The following RBFOX1 variants were observed in gnomAD, a reference collection of about 807,000 sequenced individuals.
RBFOX1 encodes the protein RNA binding protein fox-1 homolog 1.
In RBFOX1, 8 loss-of-function variants were observed where a neutral mutation model predicts 57.7. The ratio of observed to expected loss-of-function variants is 0.14; its 90% confidence interval spans 0.08 to 0.25. The LOEUF is 0.25. Among genes scored for constraint, RBFOX1 ranks in the 10% least tolerant of loss-of-function variants. RBFOX1 has a pLI of 1.00. For synonymous variants in RBFOX1, 326 were observed against 222.4 expected, an observed-to-expected ratio of 1.47 and a Z score of -4.15; for missense variants, 611 against 548.5, an observed-to-expected ratio of 1.11 and a Z score of -1.14.
intron 5 of RBFOX1, among the ~76,000 whole-genome samples, chr16:7,536,739 A>G (rs1601226345): frequency 6.6e-6 from 1 of 152,224 alleles, no homozygotes; most frequent in African/African-American, 2.4e-5. Flanking sequence ...TGTCGATTGT[A>G]TATGTCTCTT....
At chr16:7,425,273 G>T (rs949265307) in intron 4 of RBFOX1, among the ~76,000 whole-genome samples, 1 of 152,154 alleles carries the variant, frequency 6.6e-6, no homozygotes, top group Non-Finnish European at 1.5e-5. Context: ...GAGAAGTGGG[G>T]TTTAATTTTT....
chr16:5,573,120 G>T (rs978186051), intron 2 of RBFOX1, among the ~76,000 whole-genome samples: 2 of 152,148 alleles, frequency 1.3e-5, no homozygotes, highest in Non-Finnish European at 2.9e-5. Context: ...GACGAGAATT[G>T]GGAGGTTCTG....
intron 1 of RBFOX1, among the ~76,000 whole-genome samples, chr16:6,170,416 T>C (rs2096951516): frequency 6.6e-6 from 1 of 152,180 alleles, no homozygotes; most frequent in African/African-American, 2.4e-5. Flanking sequence ...AGGGAATTAA[T>C]AAAGTCACCA....
At chr16:5,635,180 A>G (rs1261593361) in intron 3 of RBFOX1, among the ~76,000 whole-genome samples, 1 of 152,218 alleles carries the variant, frequency 6.6e-6, no homozygotes, top group Non-Finnish European at 1.5e-5. Context: ...GTTACATTCC[A>G]TTTAAAAGAA....
At position 7,057,061 on chromosome 16, in the gene RBFOX1, A is replaced by G. The variant is rs78554810; in HGVS notation, c.27+4963A>G. On this transcript the variant is annotated intron_variant, in intron 4 of 15. Coordinates refer to ENST00000550418, the MANE Select transcript of RBFOX1 (RefSeq NM_018723.4). The stretch of plus-strand genomic sequence containing the variant: ...AAAAAAAATGCAGGCCTGATACTCA[A>G]CAAGGTGAGCTACTGTTAATACAGT... Among the ~76,000 whole-genome samples the G allele has an allele frequency of 6.6e-3, 1,004 of 151,828 alleles. 12 individuals are homozygous for G. The highest frequency in any genetic ancestry group is 0.023 in the African/African-American group (949 of 41,394).
intron 2 of RBFOX1, among the ~76,000 whole-genome samples, chr16:5,538,176 A>T (rs1007939513): frequency 6.6e-6 from 1 of 152,152 alleles, no homozygotes; most frequent in African/African-American, 2.4e-5. Context: ...GGGTGTGGAG[A>T]TGTAGAGCCA....
At chr16:7,554,118 G>C (rs1601679013) in intron 5 of RBFOX1, among the ~76,000 whole-genome samples, 1 of 152,108 alleles carries the variant, frequency 6.6e-6, no homozygotes, top group Non-Finnish European at 1.5e-5. Flanking sequence ...CAAAAAAGAA[G>C]ACAATGACCC....
intron 2 of RBFOX1, among the ~76,000 whole-genome samples, chr16:6,533,654 T>A (rs539632353): frequency 4.6e-5 from 7 of 152,208 alleles, no homozygotes; most frequent in African/African-American, 1.7e-4. Flanking sequence ...CAACAAATAA[T>A]CCTGGACCTA....
intron 4 of RBFOX1, among the ~76,000 whole-genome samples, chr16:5,962,378 A>T (rs1463508299): frequency 6.6e-6 from 1 of 152,172 alleles, no homozygotes; most frequent in Non-Finnish European, 1.5e-5. Context: ...CAGTCCCTAG[A>T]TATGAAGCAC....
chr16:5,651,701 A>T (rs756147534), intron 3 of RBFOX1, among the ~76,000 whole-genome samples: 1 of 152,180 alleles, frequency 6.6e-6, no homozygotes, highest in African/African-American at 2.4e-5. Context: ...TTCCGCATGG[A>T]TACCCATCCC....
intron 1 of RBFOX1, among the ~76,000 whole-genome samples, chr16:5,360,442 G>T (rs547562666): frequency 3.3e-5 from 5 of 152,224 alleles, no homozygotes; most frequent in Non-Finnish European, 7.3e-5. Flanking sequence ...CTGGCTTGCC[G>T]GGAGGCTTCC....
intron 3 of RBFOX1, among the ~76,000 whole-genome samples, chr16:6,969,879 A>G (rs186022792): frequency 1.3e-5 from 2 of 152,196 alleles, no homozygotes; most frequent in East Asian, 1.9e-4. Flanking sequence ...ATTGATGGGT[A>G]TGCAATGTTG....
intron 3 of RBFOX1, among the ~76,000 whole-genome samples, chr16:5,756,101 A>G (rs1348315886): frequency 6.6e-6 from 1 of 151,936 alleles, no homozygotes; most frequent in Non-Finnish European, 1.5e-5. Context: ...GTCAGGCACT[A>G]GGAGAGATAC....
At chr16:5,293,275 C>G (rs1017615418) in intron 1 of RBFOX1, among the ~76,000 whole-genome samples, 1 of 152,020 alleles carries the variant, frequency 6.6e-6, no homozygotes, top group African/African-American at 2.4e-5. Flanking sequence ...GTGTCCACAC[C>G]CCATGAAGCA....
chr16:6,508,772 T>C (rs186924174), intron 2 of RBFOX1, among the ~76,000 whole-genome samples: 2 of 152,266 alleles, frequency 1.3e-5, no homozygotes, highest in African/African-American at 4.8e-5. Flanking sequence ...AGGCTCTGTA[T>C]TAAATTTAGA....
Position 5,894,700 on chromosome 16 carries a change from A to G in RBFOX1, c.351+27365A>G, listed in dbSNP as rs192223016. On this transcript the variant is annotated intron_variant, in intron 4 of 19. Coordinates refer to the RBFOX1 transcript ENST00000641259. ...AAATACATTGGACCATGTTATCTAT[A>G]TTGCACAGCAAGAAGAAGAAACAGG... Among the ~76,000 whole-genome samples, 261 of 152,288 alleles carry G rather than the reference A, an allele frequency of 1.7e-3. 1 individual carries two copies. The highest frequency in any genetic ancestry group is 6.0e-3 in the African/African-American group (248 of 41,578).
At chr16:7,327,823 T>C (rs1361242260) in intron 4 of RBFOX1, among the ~76,000 whole-genome samples, 2 of 151,998 alleles carry the variant, frequency 1.3e-5, no homozygotes, top group Non-Finnish European at 2.9e-5. Context: ...CTTTTTTTTT[T>C]TACACTGTGC....
chr16:7,477,469 C>G (rs1382033910), intron 4 of RBFOX1, among the ~76,000 whole-genome samples: 1 of 152,052 alleles, frequency 6.6e-6, no homozygotes. Context: ...TTCAACAGCC[C>G]CTTCCTGCCC....
At chr16:5,807,816 C>G (rs2055282253) in intron 3 of RBFOX1, among the ~76,000 whole-genome samples, 1 of 152,184 alleles carries the variant, frequency 6.6e-6, no homozygotes, top group African/African-American at 2.4e-5. Context: ...GTCTGTGTAC[C>G]TAACCAGCTC....
Sources: allele counts gnomAD v4.1 joint callset (sites outside exome capture counted in the v4.1 genomes callset), GRCh38; gene constraint gnomAD v4.1.1; transcripts MANE v1.5; gene names NCBI Gene and HGNC (gene_info 2026-07-23, HGNC 2026-07-21).